Variants in TMEM232 observed in about 807,000 individuals in gnomAD.
TMEM232 encodes the protein transmembrane protein 232.
Under a neutral mutation model 78.8 loss-of-function variants are expected in TMEM232, and 80 were observed. The observed-to-expected ratio is 1.01, with a 90% CI of 0.85 to 1.22. The LOEUF is 1.22. Among genes scored for constraint, TMEM232 ranks in the 50% most tolerant of loss-of-function variants. TMEM232 has a pLI of 0.00. For missense variants in TMEM232, 881 were observed against 742.2 expected (o/e 1.19, Z -2.17); for synonymous variants, 297 against 254.3 (o/e 1.17, Z -1.60).
intron 10 of TMEM232, among the ~76,000 whole-genome samples, chr5:110,588,579 A>T (rs1779127898): frequency 6.6e-6 from 1 of 152,138 alleles, no homozygotes; most frequent in Non-Finnish European, 1.5e-5. Context: ...TTATCTTCAC[A>T]TACTGGAAGG....
At chr5:110,426,121 T>C (rs1757206142) in intron 12 of TMEM232, among the ~76,000 whole-genome samples, 1 of 152,028 alleles carries the variant, frequency 6.6e-6, no homozygotes, top group Non-Finnish European at 1.5e-5. Context: ...CTTATGCCTT[T>C]CTCTTTCTCC....
chr5:110,625,554 T>G (rs1784323565), intron 6 of TMEM232, 121 bp from the exon 7 acceptor site: 3 of 901,880 alleles, frequency 3.3e-6, no homozygotes, highest in Non-Finnish European at 4.6e-6. Flanking sequence ...ACTGCTAGTT[T>G]CCTATTTAAG....
intron 1 of TMEM232, among the ~76,000 whole-genome samples, chr5:110,694,661 G>T (rs150129986): frequency 0.019 from 2,844 of 149,454 alleles, 61 homozygotes; most frequent in African/African-American, 0.055. Context: ...AATCCTAGTC[G>T]CTGATAAAAC....
At chr5:110,628,559 A>G (rs1451740286) in intron 5 of TMEM232, among the ~76,000 whole-genome samples, 7 of 152,070 alleles carry the variant, frequency 4.6e-5, no homozygotes, top group Admixed American at 4.6e-4. Flanking sequence ...ATAATCTGCA[A>G]CATTTTACAG....
intron 2 of TMEM232, among the ~76,000 whole-genome samples, chr5:110,660,428 A>G (rs774592129): frequency 3.9e-5 from 6 of 152,136 alleles, no homozygotes; most frequent in Non-Finnish European, 8.8e-5. Flanking sequence ...TCAGTAAGGA[A>G]AATTCAAAAA....
At chr5:110,510,053 G>C (rs942609354) in intron 12 of TMEM232, among the ~76,000 whole-genome samples, 1 of 151,802 alleles carries the variant, frequency 6.6e-6, no homozygotes, top group Non-Finnish European at 1.5e-5. Flanking sequence ...ATATTGAATG[G>C]TGACATTCCT....
At chr5:110,649,751 C>A (rs1788033237) in intron 2 of TMEM232, among the ~76,000 whole-genome samples, 1 of 152,020 alleles carries the variant, frequency 6.6e-6, no homozygotes, top group South Asian at 2.1e-4. Context: ...AATGCCTATT[C>A]TGTGGCATGC....
intron 1 of TMEM232, among the ~76,000 whole-genome samples, chr5:110,676,194 A>G (rs954082047): frequency 4.6e-5 from 7 of 152,134 alleles, no homozygotes; most frequent in Admixed American, 3.3e-4. Flanking sequence ...GATTAATTTT[A>G]TATCTTGGCT....
chr5:110,633,546 A>T (rs13354687), intron 5 of TMEM232, among the ~76,000 whole-genome samples: 6,692 of 152,108 alleles, frequency 0.044, 480 homozygotes, highest in African/African-American at 0.15. Flanking sequence ...TGGTTTCCCC[A>T]TGCTCTTCTG....
chr5:110,652,818 TTC>T (rs1476759313), intron 2 of TMEM232, among the ~76,000 whole-genome samples: 8 of 152,210 alleles, frequency 5.3e-5, no homozygotes, highest in Non-Finnish European at 1.0e-4. Context: ...GCATTCCAAT[TTC>T]TCTGAAATAT....
intron 1 of TMEM232, among the ~76,000 whole-genome samples, chr5:110,670,888 A>G (rs1355114689): frequency 1.3e-5 from 2 of 152,160 alleles, no homozygotes; most frequent in Non-Finnish European, 2.9e-5. Flanking sequence ...ATAAGTAGGA[A>G]TGTGCAAAGG....
chr5:110,541,203 C>T lies in TMEM232; in HGVS notation c.1456-12368G>A, dbSNP rs563725423. Among the ~76,000 whole-genome samples the T allele has an allele frequency of 2.2e-4, 33 of 152,262 alleles. 1 individual carries two copies. The East Asian group carries it at 4.1e-3, about 19-fold the overall frequency. The stretch of plus-strand genomic sequence containing the variant: ...ATGGTTAACAGGCTCTTCACTGGGC[C>T]TAACTTAGCTTCGGTGGTTAAGCAG... On this transcript the variant is annotated intron_variant, in intron 11 of 13. Coordinates refer to ENST00000455884, the MANE Select transcript of TMEM232 (RefSeq NM_001039763.4).
At chr5:110,563,711 A>T (rs1037210172) in intron 11 of TMEM232, among the ~76,000 whole-genome samples, 13 of 151,912 alleles carry the variant, frequency 8.6e-5, no homozygotes, top group Admixed American at 5.3e-4. Context: ...TAATGGGGAT[A>T]TTGGGTGATA....
chr5:110,456,815 C>A (rs886237475), intron 12 of TMEM232, among the ~76,000 whole-genome samples: 11 of 146,386 alleles, frequency 7.5e-5, no homozygotes, highest in Admixed American at 7.4e-4. Flanking sequence ...CAATTGGACT[C>A]CCATATGTAA....
intron 12 of TMEM232, among the ~76,000 whole-genome samples, chr5:110,433,186 T>C (rs1758052571): frequency 6.6e-6 from 1 of 151,864 alleles, no homozygotes; most frequent in African/African-American, 2.4e-5. Flanking sequence ...GACATGCTTC[T>C]GATCTGCATA....
intron 12 of TMEM232, among the ~76,000 whole-genome samples, chr5:110,489,428 A>C (rs893002485): frequency 6.6e-5 from 10 of 152,066 alleles, no homozygotes; most frequent in African/African-American, 9.7e-5. Context: ...CTCAACAGAC[A>C]CAGAAAAAGC....
intron 12 of TMEM232, among the ~76,000 whole-genome samples, chr5:110,436,800 G>A (rs1479155939): frequency 6.6e-6 from 1 of 151,892 alleles, no homozygotes; most frequent in Non-Finnish European, 1.5e-5. Context: ...TCTCTACTCT[G>A]TTCCATTGGT....
downstream of TMEM232, chr5:110,417,647 TAAAA>T (rs1436168430): frequency 3.2e-5 from 3 of 93,508 alleles, no homozygotes; most frequent in African/African-American, 2.0e-4. Flanking sequence ...TTGTCCGGGG[TAAAA>T]TAAATAAGCA....
chr5:110,554,150 G>A (rs112725416), intron 11 of TMEM232, among the ~76,000 whole-genome samples: 2,804 of 152,224 alleles, frequency 0.018, 104 homozygotes, highest in African/African-American at 0.065. Flanking sequence ...GTTGCCAAAG[G>A]AGATTAACAT....
Sources: gnomAD v4.1 joint callset for allele counts (sites outside exome capture counted in the v4.1 genomes callset) on GRCh38, gnomAD v4.1.1 for gene constraint, MANE v1.5 for transcripts, NCBI Gene and HGNC (gene_info 2026-07-23, HGNC 2026-07-21) for gene names.